The following ADAMTS12 variants were observed in gnomAD, a reference collection of about 807,000 sequenced individuals.
The protein encoded by ADAMTS12 is ADAM metallopeptidase with thrombospondin type 1 motif 12.
In ADAMTS12, 118 loss-of-function variants were observed where a neutral mutation model predicts 167.8. The observed-to-expected ratio is 0.70, with a 90% CI of 0.61 to 0.82. The LOEUF is 0.82. Ranked by LOEUF, ADAMTS12 falls within the 40% of genes least tolerant of loss-of-function variation. ADAMTS12 has a pLI of 0.00. For missense variants in ADAMTS12, 1,916 were observed against 1,998.8 expected (o/e 0.96, Z 0.79); for synonymous variants, 704 against 716.9 (o/e 0.98, Z 0.29).
intron 10 of ADAMTS12, among the ~76,000 whole-genome samples, chr5:33,642,560 C>T (rs1218026958): frequency 6.6e-6 from 1 of 152,130 alleles, no homozygotes; most frequent in Non-Finnish European, 1.5e-5. Context: ...CAGCTCTGGC[C>T]TTTCAAGCAA....
rs907931653 is a variant in ADAMTS12 at position 33,806,813 on chromosome 5, T to TA, written c.490-55266dup. Among the ~76,000 whole-genome samples, 22 of 152,328 alleles carry TA rather than the reference T, an allele frequency of 1.4e-4. No individual in the cohort carries two copies. In the East Asian group the frequency reaches 1.7e-3, roughly 12 times the overall value. On this transcript the variant is annotated intron_variant, in intron 2 of 23. Transcript: ENST00000504830. ...CGCATCCTATTTATCCTGTTCACTT[T>TA]ATCTTTGAAGTTTCTCCTGACGACG...
At chr5:33,534,099 A>G (rs1561105743) in intron 23 of ADAMTS12, among the ~76,000 whole-genome samples, 1 of 152,236 alleles carries the variant, frequency 6.6e-6, no homozygotes, top group African/African-American at 2.4e-5. Flanking sequence ...CCCAACCTAT[A>G]GGAGCTCCTT....
chr5:33,608,899 C>G (rs894365256), intron 16 of ADAMTS12, among the ~76,000 whole-genome samples: 1 of 152,096 alleles, frequency 6.6e-6, no homozygotes, highest in African/African-American at 2.4e-5. Flanking sequence ...GATGTTCCAG[C>G]TACTAGGATG....
chr5:33,597,017 A>G (rs1355046847), intron 16 of ADAMTS12, among the ~76,000 whole-genome samples: 1 of 152,220 alleles, frequency 6.6e-6, no homozygotes, highest in Non-Finnish European at 1.5e-5. Flanking sequence ...ATTTATATCA[A>G]TAATGTATTA....
chr5:33,649,819 G>T, intron 7 of ADAMTS12, 122 bp from the exon 8 acceptor site: 1 of 1,289,028 alleles, frequency 7.8e-7, no homozygotes, highest in Non-Finnish European at 1.0e-6. Context: ...GAAGGCAACT[G>T]TTTGCAAAGT....
At position 33,683,090 on chromosome 5, in the gene ADAMTS12, C is replaced by A. The variant is rs138213093; in HGVS notation, c.843G>T (p.Leu281Phe). Reference sequence around the variant, plus strand: ...CATTGCCAATGCTTGGGTTATGGAACAACCCAGTGACCTAGGGTCAGAAAT... The same window carrying A: ...CATTGCCAATGCTTGGGTTATGGAAAAACCCAGTGACCTAGGGTCAGAAAT... ...ILTIMNMVTG[L>F]FHNPSIGNAI... is the part of the protein sequence containing the mutation. The change falls in exon 5 of 24, where the codon TTG becomes TTT. Residue 281 changes from leucine to phenylalanine, a missense_variant. Physicochemically the swap from Leu to Phe is conservative, Grantham distance 22. Transcript: ENST00000504830. 4 of 1,612,712 alleles carry A rather than the reference C, an allele frequency of 2.5e-6. No individual in the cohort carries two copies. The Admixed American group carries it at 5.0e-5, about 20-fold the overall frequency.
At chr5:33,692,714 G>A (rs74771932) in intron 3 of ADAMTS12, among the ~76,000 whole-genome samples, 21,656 of 152,132 alleles carry the variant, frequency 0.14, 1,903 homozygotes, top group South Asian at 0.43. Context: ...CATTCAATCC[G>A]TCCCCTCAGA....
At chr5:33,736,906 C>T (rs1375569228) in intron 3 of ADAMTS12, among the ~76,000 whole-genome samples, 1 of 152,220 alleles carries the variant, frequency 6.6e-6, no homozygotes, top group Non-Finnish European at 1.5e-5. Context: ...CTGTCAGCAT[C>T]TTCCCCATGA....
intron 2 of ADAMTS12, among the ~76,000 whole-genome samples, chr5:33,764,870 C>T (rs1403643563): frequency 1.3e-5 from 2 of 151,932 alleles, no homozygotes; most frequent in Non-Finnish European, 2.9e-5. Context: ...AACTCCCACC[C>T]CCATTTGCAC....
intron 23 of ADAMTS12, among the ~76,000 whole-genome samples, chr5:33,534,424 C>G (rs985447899): frequency 1.3e-5 from 2 of 152,160 alleles, no homozygotes; most frequent in Non-Finnish European, 2.9e-5. Context: ...TTCTGGGGGA[C>G]CTGGCCTAAT....
intron 2 of ADAMTS12, among the ~76,000 whole-genome samples, chr5:33,849,646 T>C (rs151173415): frequency 0.023 from 3,000 of 131,492 alleles, 351 homozygotes; most frequent in African/African-American, 0.058. Context: ...ATGTATTGCA[T>C]AGCAATATAT....
chr5:33,860,065 C>T (rs1246786320), intron 2 of ADAMTS12, among the ~76,000 whole-genome samples: 1 of 152,134 alleles, frequency 6.6e-6, no homozygotes, highest in East Asian at 1.9e-4. Context: ...AAAACCAGCA[C>T]AAAAAGGCTG....
intron 22 of ADAMTS12, among the ~76,000 whole-genome samples, chr5:33,540,102 T>C (rs1276702509): frequency 6.6e-6 from 1 of 152,236 alleles, no homozygotes; most frequent in East Asian, 1.9e-4. Flanking sequence ...ATACTCCCAC[T>C]CAAATACTGC....
chr5:33,684,102 T>C, intron 3 of ADAMTS12, 47 bp from the exon 4 acceptor site: 1 of 1,285,056 alleles, frequency 7.8e-7, no homozygotes, highest in Non-Finnish European at 1.0e-6. Context: ...ATATGTCTCA[T>C]ATATTATCTA....
Position 33,857,601 on chromosome 5 carries a change from C to T in ADAMTS12, c.489+23518G>A, listed in dbSNP as rs150037121. Among the ~76,000 whole-genome samples the T allele has an allele frequency of 1.5e-3, 223 of 152,070 alleles. 2 individuals are homozygous for T. Among genetic ancestry groups the T allele is most frequent in the African/African-American group, 5.2e-3 (214 of 41,476 alleles). ...CAGTAAGGCTGGAAAAGAAAAAAAA[C>T]TGAAGCTCCAAAGCAAAGGGAATTT... On this transcript the variant is annotated intron_variant, in intron 2 of 23. Transcript: ENST00000504830.
At chr5:33,812,537 C>A (rs1448123634) in intron 2 of ADAMTS12, among the ~76,000 whole-genome samples, 1 of 152,158 alleles carries the variant, frequency 6.6e-6, no homozygotes, top group African/African-American at 2.4e-5. Context: ...ATCACCTATC[C>A]CAAAGATAAC....
intron 2 of ADAMTS12, among the ~76,000 whole-genome samples, chr5:33,849,080 A>T (rs1188557458): frequency 3.6e-5 from 1 of 27,524 alleles, no homozygotes; most frequent in South Asian, 1.1e-3. Flanking sequence ...ATTGCATAGC[A>T]ATATATATAT....
rs184850152 is a variant in ADAMTS12, at chr5:33,863,927, T to C, written c.489+17192A>G. Reference sequence around the variant, plus strand: ...ACATCTACAACCATCTGATCTTTGATGAATCTGAGAGAAACAAGCAATGGA... The same window carrying C: ...ACATCTACAACCATCTGATCTTTGACGAATCTGAGAGAAACAAGCAATGGA... On this transcript the variant is annotated intron_variant, in intron 2 of 23. Transcript: ENST00000504830. Among the ~76,000 whole-genome samples, 85 of 152,182 alleles carry C rather than the reference T, an allele frequency of 5.6e-4. No individual in the cohort carries two copies. The Middle Eastern group carries it at 0.01, about 18-fold the overall frequency.
chr5:33,682,328 C>T (rs898850456), intron 5 of ADAMTS12, among the ~76,000 whole-genome samples: 1 of 152,134 alleles, frequency 6.6e-6, no homozygotes, highest in Non-Finnish European at 1.5e-5. Flanking sequence ...AGGTTCCATT[C>T]TGGATTTATT....
Sources: allele counts gnomAD v4.1 joint callset (sites outside exome capture counted in the v4.1 genomes callset), GRCh38; gene constraint gnomAD v4.1.1; transcripts MANE v1.5; gene names NCBI Gene and HGNC (gene_info 2026-07-23, HGNC 2026-07-21).